Variants in PTPRE observed in about 807,000 individuals in gnomAD.
PTPRE encodes the protein protein tyrosine phosphatase receptor type E, also known as receptor-type tyrosine-protein phosphatase epsilon.
Under a neutral mutation model 102.0 loss-of-function variants are expected in PTPRE, and 51 were observed. That is an observed-to-expected ratio of 0.50 (90% confidence interval 0.40 to 0.63). The LOEUF (loss-of-function observed/expected upper bound fraction) is 0.63, where lower values mean the gene tolerates loss of function less well. Among genes scored for constraint, PTPRE ranks in the 30% least tolerant of loss-of-function variants. The pLI is 0.00. For synonymous variants in PTPRE, 345 were observed against 348.2 expected, an observed-to-expected ratio of 0.99 and a Z score of 0.10; for missense variants, 752 against 915.1, an observed-to-expected ratio of 0.82 and a Z score of 2.30.
intron 2 of PTPRE, among the ~76,000 whole-genome samples, chr10:127,996,820 G>A (rs746458005): frequency 2.0e-5 from 3 of 152,140 alleles, no homozygotes; most frequent in Non-Finnish European, 4.4e-5. Context: ...TTTTTGAAGT[G>A]GGTGTGTAAG....
rs201812647 is a variant in PTPRE, at chr10:128,060,989, G to A, written c.562G>A (p.Asp188Asn). 2 of 1,614,040 alleles carry A rather than the reference G, an allele frequency of 1.2e-6. No homozygotes were observed. The highest frequency in any genetic ancestry group is 1.7e-6 in the Non-Finnish European group (2 of 1,180,026). ...CCAACTGGATGGAATTCCCTGTTCA[G>A]ACTACATCAATGCTTCCTACATAGA... ...LSQLDGIPCS[D>N]YINASYIDGY... is the part of the protein sequence containing the mutation. Residue 188 changes from aspartate to asparagine, a missense_variant, in exon 8 of 21, where the codon GAC (aspartate) becomes AAC (asparagine). By Grantham distance (23) the Asp-to-Asn change is conservative (BLOSUM62 1). Coordinates refer to ENST00000254667, the MANE Select transcript of PTPRE (RefSeq NM_006504.6).
At chr10:127,998,838 A>G (rs1451442840) in intron 2 of PTPRE, 2 of 152,140 alleles carry the variant, frequency 1.3e-5, no homozygotes, top group Non-Finnish European at 1.5e-5. Flanking sequence ...AAAAAAAAAG[A>G]AGCTATGTGA....
intron 1 of PTPRE, among the ~76,000 whole-genome samples, chr10:127,953,849 G>A (rs1296389490): frequency 6.6e-6 from 1 of 152,316 alleles, no homozygotes; most frequent in East Asian, 1.9e-4. Flanking sequence ...AATGTACCTG[G>A]TTGTGCACTT....
intron 1 of PTPRE, among the ~76,000 whole-genome samples, chr10:127,962,954 C>T (rs971393749): frequency 3.9e-5 from 6 of 152,116 alleles, no homozygotes; most frequent in Non-Finnish European, 8.8e-5. Flanking sequence ...TCTGGAGGTC[C>T]CAAGTTGGGG....
In PTPRE at chr10:128,070,768, C is replaced by G; in HGVS notation, c.1294-40C>G. 3.2e-6 allele frequency: 5 copies of G among 1,586,024 alleles called. No individual in the cohort carries two copies. Among genetic ancestry groups the G allele is most frequent in the Non-Finnish European group, 4.3e-6 (5 of 1,155,762 alleles). ...GGCTGAGCAATGTGCTCAGGAGTGT[C>G]AGAGGTTTAACTGTGTCATTATATC... On this transcript the variant is annotated intron_variant, in intron 14 of 20. Coordinates refer to ENST00000254667, the MANE Select transcript of PTPRE (RefSeq NM_006504.6). The surrounding 1 kb of genome is among the most constrained non-coding windows in gnomAD (Gnocchi z 4.8).
intron 1 of PTPRE, among the ~76,000 whole-genome samples, chr10:127,940,492 G>A (rs1383692110): frequency 6.6e-6 from 1 of 152,122 alleles, no homozygotes; most frequent in African/African-American, 2.4e-5. Flanking sequence ...GAAGCCCCCA[G>A]GGACTTCTTT....
rs572316396 is a variant in PTPRE, at chr10:128,002,274, C to T, written c.-8+19978C>T. Among the ~76,000 whole-genome samples the T allele has an allele frequency of 3.0e-3, 455 of 152,256 alleles. 6 individuals carry two copies. Among genetic ancestry groups the T allele is most frequent in the African/African-American group, 0.01 (433 of 41,552 alleles). On this transcript the variant is annotated intron_variant, in intron 2 of 20. Coordinates refer to ENST00000254667, the MANE Select transcript of PTPRE (RefSeq NM_006504.6). ...TTTCTGCTGTGACCTCAGGGTGCTGCGGGCATCGAGGGGGAACAAGGCCAT... is the reference window on the plus strand; with the variant it reads ...TTTCTGCTGTGACCTCAGGGTGCTGTGGGCATCGAGGGGGAACAAGGCCAT...
chr10:127,936,903 A>ATGG (rs1485152503), intron 1 of PTPRE, among the ~76,000 whole-genome samples: 2 of 152,138 alleles, frequency 1.3e-5, no homozygotes, highest in African/African-American at 4.8e-5. Flanking sequence ...TAGTTTAAAC[A>ATGG]TGGCTGTTTG....
intron 1 of PTPRE, 26 bp from the exon 2 acceptor site, chr10:127,982,248 C>CTT: frequency 1.6e-6 from 2 of 1,250,668 alleles, no homozygotes; most frequent in South Asian, 1.3e-5. Flanking sequence ...AGAAAACTGA[C>CTT]TTTTTTTTTC....
chr10:128,018,859 G>GTC (rs553761438), intron 2 of PTPRE, among the ~76,000 whole-genome samples: 1,824 of 146,056 alleles, frequency 0.012, 20 homozygotes, highest in Middle Eastern at 0.036. Context: ...CTGCATCTCT[G>GTC]TCTCTCTCTC....
At chr10:127,998,023 T>C (rs1435480908) in intron 2 of PTPRE, 1 of 152,202 alleles carries the variant, frequency 6.6e-6, no homozygotes, top group Admixed American at 6.5e-5. Flanking sequence ...GATTTAAGTG[T>C]GTGGTGTGAC....
At chr10:128,031,330 C>A (rs1350531372) in intron 2 of PTPRE, among the ~76,000 whole-genome samples, 1 of 152,162 alleles carries the variant, frequency 6.6e-6, no homozygotes, top group East Asian at 1.9e-4. Context: ...TCAGCCACAC[C>A]CCTGAGCGGA....
At chr10:128,047,614 G>T in intron 4 of PTPRE, 125 bp downstream of exon 4, 1 of 1,613,858 alleles carries the variant, frequency 6.2e-7, no homozygotes, top group Non-Finnish European at 8.5e-7. Flanking sequence ...GGGCCTGGGA[G>T]ACACACAGAG....
intron 2 of PTPRE, among the ~76,000 whole-genome samples, chr10:128,000,494 C>G (rs1407036170): frequency 6.6e-6 from 1 of 152,130 alleles, no homozygotes; most frequent in Non-Finnish European, 1.5e-5. Context: ...TAGAAGCATA[C>G]TGCTTATAGT....
intron 1 of PTPRE, among the ~76,000 whole-genome samples, chr10:127,924,319 G>A (rs376359434): frequency 6.6e-5 from 10 of 152,084 alleles, no homozygotes; most frequent in Admixed American, 5.2e-4. Context: ...TTCGCCTCCC[G>A]GATTCAAGTG....
intron 2 of PTPRE, among the ~76,000 whole-genome samples, chr10:128,004,313 C>T (rs1053694468): frequency 3.3e-5 from 5 of 151,706 alleles, no homozygotes; most frequent in African/African-American, 4.8e-5. Context: ...TAAAATTCAC[C>T]GTTTTGTACA....
At chr10:128,081,206 C>A (rs1201929069) in intron 20 of PTPRE, among the ~76,000 whole-genome samples, 1 of 152,114 alleles carries the variant, frequency 6.6e-6, no homozygotes, top group African/African-American at 2.4e-5. Flanking sequence ...TGCTGACCTG[C>A]AGGTTGATTT....
At chr10:128,016,600 G>A (rs1845450971) in intron 2 of PTPRE, among the ~76,000 whole-genome samples, 1 of 152,008 alleles carries the variant, frequency 6.6e-6, no homozygotes, top group African/African-American at 2.4e-5. Flanking sequence ...TGAGCAGAGG[G>A]CAGTTCAGTG....
chr10:128,061,816 T>G, intron 9 of PTPRE, 101 bp downstream of exon 9: 2 of 1,408,040 alleles, frequency 1.4e-6, no homozygotes, highest in East Asian at 4.9e-5. Context: ...ACTGGATTTG[T>G]GTGTGTGTGT....
Sources: gnomAD v4.1 joint callset for allele counts (sites outside exome capture counted in the v4.1 genomes callset) on GRCh38, gnomAD v4.1.1 for gene constraint, Gnocchi (gnomAD v3.1) non-coding constraint, MANE v1.5 for transcripts, NCBI Gene and HGNC (gene_info 2026-07-23, HGNC 2026-07-21) for gene names.